Variants in PDE8B observed in about 807,000 individuals in gnomAD.
PDE8B encodes the protein high affinity cAMP-specific and IBMX-insensitive 3',5'-cyclic phosphodiesterase 8B.
In PDE8B, 26 loss-of-function variants were observed where a neutral mutation model predicts 101.3. That is an observed-to-expected ratio of 0.26 (90% CI 0.19 to 0.36). The LOEUF is 0.36. PDE8B is among the 10% of genes least tolerant of loss of function. The pLI is 1.00. For missense variants in PDE8B, 810 were observed against 1,163.1 expected, an observed-to-expected ratio of 0.70 and a Z score of 4.42; for synonymous variants, 424 against 429.3, an observed-to-expected ratio of 0.99 and a Z score of 0.15.
Position 77,426,887 on chromosome 5 carries a change from G to A in PDE8B, c.*333G>A, listed in dbSNP as rs1043665382. 2.9e-6 allele frequency: 1 copy of A among 347,014 alleles called. No individual in the cohort carries two copies. The highest frequency in any genetic ancestry group is 2.1e-5 in the African/African-American group (1 of 47,036). 21.5% of individuals were successfully genotyped at this position (347,014 alleles called of 1,614,324 possible). A position where few individuals can be genotyped will look rare whatever the true frequency, so the allele number is the denominator to read the frequency against. Reference sequence around the variant, plus strand: ...GGAAGCAAAGCCTTGGTGCCTGTGAGCTCATCTCCCAGGATGGTGACTAAG... The same window carrying A: ...GGAAGCAAAGCCTTGGTGCCTGTGAACTCATCTCCCAGGATGGTGACTAAG... On this transcript the variant is annotated 3_prime_UTR_variant, in exon 22 of 22. Coordinates refer to ENST00000264917, the MANE Select transcript of PDE8B (RefSeq NM_003719.5).
chr5:77,228,730 G>A (rs970858510), intron 1 of PDE8B, among the ~76,000 whole-genome samples: 2 of 152,150 alleles, frequency 1.3e-5, no homozygotes, highest in African/African-American at 2.4e-5. Context: ...GGAGTTCCTC[G>A]TTTGTCAGGC....
Position 77,421,856 on chromosome 5 carries a change from G to A in PDE8B, c.2286G>A (p.Gly762=). Residue 762 remains glycine (G), a synonymous_variant, in exon 20 of 22, where the codon GGG becomes GGA. Transcript: ENST00000264917. ...GCGACTGTGAATGCAACCCTGCTGG[G>A]AAGAACTTCCCTGAAAACCAAATCC... is the stretch of plus-strand genomic sequence containing the variant. ...EGSDCECNPA[G]KNFPENQILI... The A allele has an allele frequency of 6.2e-7, 1 of 1,614,132 alleles. No individual in the cohort carries two copies. Among genetic ancestry groups the A allele is most frequent in the Non-Finnish European group, 8.5e-7 (1 of 1,180,018 alleles).
At chr5:77,294,097 T>C (rs1406277490) in intron 1 of PDE8B, among the ~76,000 whole-genome samples, 5 of 152,200 alleles carry the variant, frequency 3.3e-5, no homozygotes, top group African/African-American at 9.6e-5. Flanking sequence ...TGCTCTGTAG[T>C]ATAATTTTAA....
the PDE8B span, chr5:77,146,970 A>G: frequency 2.2e-6 from 1 of 454,336 alleles, no homozygotes; most frequent in Non-Finnish European, 4.3e-6. Context: ...AGAGATGTGG[A>G]AGGGCACTGC....
chr5:77,097,951 C>T, the PDE8B span, among the ~76,000 whole-genome samples: 1 of 150,852 alleles, frequency 6.6e-6, no homozygotes, highest in Admixed American at 6.6e-5. Context: ...TAGGTTCAGA[C>T]CTACAAGTAG....
intron 1 of PDE8B, among the ~76,000 whole-genome samples, chr5:77,218,408 C>T (rs1208878564): frequency 4.6e-5 from 7 of 152,122 alleles, no homozygotes; most frequent in African/African-American, 1.2e-4. Context: ...TTTCCCAAGG[C>T]GAGGACTGAA....
chr5:77,231,380 T>C lies in PDE8B; in HGVS notation c.339+20116T>C, dbSNP rs538613096. ...TTACTTGGATTAAACAGTCTTGCTT[T>C]TTAGATTGACTTAAAGTTCTTAAGG... is the stretch of plus-strand genomic sequence containing the variant. On this transcript the variant is annotated intron_variant, in intron 1 of 21. Transcript: ENST00000264917. 2.5e-4 allele frequency among the ~76,000 whole-genome samples: 38 copies of C among 152,332 alleles called. 1 individual carries two copies. Among genetic ancestry groups the C allele is most frequent in the Middle Eastern group, 3.4e-3 (1 of 294 alleles).
chr5:77,194,328 A>G, the PDE8B span, among the ~76,000 whole-genome samples: 1 of 152,196 alleles, frequency 6.6e-6, no homozygotes. Flanking sequence ...ATTGTAAATA[A>G]GAAGTGAATT....
In PDE8B at chr5:77,423,632, G is replaced by GTTTTTTT. The variant is rs71594634; in HGVS notation, c.2418+1665_2418+1671dup. Reference sequence around the variant, plus strand: ...TGATGCTGGACTTTTGTTTTGTTTAGTTTTTTTTTTTTTTTTTTTTTTTTT... The same window carrying GTTTTTTT: ...TGATGCTGGACTTTTGTTTTGTTTAGTTTTTTTTTTTTTTTTTTTTTTTTTTTTTTTT... On this transcript the variant is annotated intron_variant, in intron 20 of 21. Transcript: ENST00000264917. Among the ~76,000 whole-genome samples the GTTTTTTT allele has an allele frequency of 8.2e-3, 604 of 73,984 alleles. 111 individuals are homozygous for GTTTTTTT. The highest frequency in any genetic ancestry group is 0.012 in the Non-Finnish European group (444 of 38,376). The allele number at this position is 73,984 out of a possible 152,430, so 48.5% of individuals were successfully genotyped here. A position where few individuals can be genotyped will look rare whatever the true frequency, so the allele number is the denominator to read the frequency against.
chr5:77,351,056 T>C lies in PDE8B; in HGVS notation c.1018-9T>C, dbSNP rs774294947. ...TGAAGGATTTTAAGAGCTCTCTTTG[T>C]CCATGTAGGAGTGGCAGGGGGTTTA... On this transcript the variant is annotated splice_polypyrimidine_tract_variant and intron_variant, in intron 8 of 21. Transcript: ENST00000264917. The C allele has an allele frequency of 1.8e-5, 29 of 1,608,240 alleles. No individual in the cohort carries two copies. The Middle Eastern group carries it at 6.6e-4, about 37-fold the overall frequency.
At chr5:77,141,535 C>T in the PDE8B span, 1 of 152,206 alleles carries the variant, frequency 6.6e-6, no homozygotes, top group Non-Finnish European at 1.5e-5. Context: ...TGAATCATCT[C>T]CAACTCTGCA....
rs70988667 is a variant in PDE8B, at chr5:77,369,203, C to CAAAAAA, written c.1167+15814_1167+15819dup. Among the ~76,000 whole-genome samples, 121 of 78,928 alleles carry CAAAAAA rather than the reference C, an allele frequency of 1.5e-3. 4 individuals carry two copies. The highest frequency in any genetic ancestry group is 5.0e-3 in the African/African-American group (93 of 18,454). 51.8% of individuals were successfully genotyped at this position (78,928 alleles called of 152,430 possible). A position where few individuals can be genotyped will look rare whatever the true frequency, so the allele number is the denominator to read the frequency against. The stretch of plus-strand genomic sequence containing the variant: ...ATGCGACAGAGCGAGTCCACTGTCT[C>CAAAAAA]AAAAAAAAAAAAAAAAAAAAAAGAA... On this transcript the variant is annotated intron_variant, in intron 10 of 21. Transcript: ENST00000264917.
At chr5:77,368,484 C>T (rs1401594359) in intron 10 of PDE8B, among the ~76,000 whole-genome samples, 1 of 152,146 alleles carries the variant, frequency 6.6e-6, no homozygotes, top group East Asian at 1.9e-4. Context: ...GAAGTCTGGT[C>T]CCTCTCATGG....
At chr5:77,302,993 C>T (rs1396787278) in intron 1 of PDE8B, among the ~76,000 whole-genome samples, 1 of 152,124 alleles carries the variant, frequency 6.6e-6, no homozygotes, top group African/African-American at 2.4e-5. Context: ...AGAGAAACCC[C>T]ATCTATATTC....
the PDE8B span, among the ~76,000 whole-genome samples, chr5:77,178,328 A>T: frequency 2.6e-5 from 4 of 152,134 alleles, no homozygotes; most frequent in Non-Finnish European, 4.4e-5. Flanking sequence ...TGAGTTTTTC[A>T]AACTGTCCTT....
intron 14 of PDE8B, among the ~76,000 whole-genome samples, chr5:77,409,915 C>G (rs1319376696): frequency 6.6e-6 from 1 of 152,264 alleles, no homozygotes; most frequent in Non-Finnish European, 1.5e-5. Context: ...TTTCTTGCCC[C>G]TGGGCTGGCC....
chr5:77,276,893 T>C (rs1763960846), intron 1 of PDE8B, among the ~76,000 whole-genome samples: 1 of 152,228 alleles, frequency 6.6e-6, no homozygotes, highest in East Asian at 1.9e-4. Context: ...TTTTGGTTTT[T>C]CTGTGAGCCC....
chr5:77,191,604 C>T, the PDE8B span, among the ~76,000 whole-genome samples: 3 of 152,100 alleles, frequency 2.0e-5, no homozygotes, highest in Non-Finnish European at 4.4e-5. Flanking sequence ...CCACCCGTCT[C>T]GGCCTCCCAA....
intron 1 of PDE8B, 132 bp from the exon 2 acceptor site, chr5:77,311,862 T>C (rs1772707674): frequency 2.5e-6 from 2 of 798,558 alleles, no homozygotes; most frequent in Non-Finnish European, 4.6e-6. Context: ...TGGTAACCCA[T>C]CTCCAGTTCA....
Sources: allele counts gnomAD v4.1 joint callset (sites outside exome capture counted in the v4.1 genomes callset), GRCh38; gene constraint gnomAD v4.1.1; transcripts MANE v1.5; gene names NCBI Gene and HGNC (gene_info 2026-07-23, HGNC 2026-07-21).